EML5: variants seen among roughly 807,000 people sequenced by gnomAD.
EML5 encodes EMAP like 5, also known as echinoderm microtubule-associated protein-like 5.
A neutral mutation model predicts 250.0 loss-of-function variants in EML5; 120 were observed. The ratio of observed to expected loss-of-function variants is 0.48; its 90% confidence interval spans 0.41 to 0.56. The LOEUF is 0.56. EML5 is among the 20% of genes least tolerant of loss of function. EML5 has a pLI of 0.00. For missense variants in EML5, 2,006 were observed against 2,437.6 expected, an observed-to-expected ratio of 0.82 and a Z score of 3.73; for synonymous variants, 771 against 806.5, an observed-to-expected ratio of 0.96 and a Z score of 0.75.
intron 21 of EML5, among the ~76,000 whole-genome samples, chr14:88,677,266 C>G (rs2092616304): frequency 6.6e-6 from 1 of 152,100 alleles, no homozygotes; most frequent in Admixed American, 6.6e-5. Flanking sequence ...AAAATTGAAG[C>G]TGGACCCCTT....
At position 88,765,361 on chromosome 14, in the gene EML5, T is replaced by C. The variant is rs76016613; in HGVS notation, c.198-10690A>G. 1.0e-2 allele frequency among the ~76,000 whole-genome samples: 1,522 copies of C among 152,204 alleles called. 23 individuals are homozygous for C. Among genetic ancestry groups the C allele is most frequent in the African/African-American group, 0.035 (1,460 of 41,538 alleles). ...TTCCTTGTGGTAAAGGGACTGAGGCTTTCACTCCCCTGCTGGCTGTCAAGG... is the reference window on the plus strand; with the variant it reads ...TTCCTTGTGGTAAAGGGACTGAGGCCTTCACTCCCCTGCTGGCTGTCAAGG... On this transcript the variant is annotated intron_variant, in intron 1 of 43. Transcript: ENST00000554922.
chr14:88,711,710 G>A (rs575851000), intron 10 of EML5, among the ~76,000 whole-genome samples: 21 of 152,210 alleles, frequency 1.4e-4, no homozygotes, highest in Non-Finnish European at 2.2e-4. Flanking sequence ...CTGGGAGGCT[G>A]ACGTGGGGAG....
chr14:88,673,568 G>A (rs1355813448), intron 21 of EML5, among the ~76,000 whole-genome samples: 1 of 152,232 alleles, frequency 6.6e-6, no homozygotes, highest in Non-Finnish European at 1.5e-5. Flanking sequence ...ATTCCAATAG[G>A]AAGAGAGGAA....
At chr14:88,764,935 G>A (rs1467871555) in intron 1 of EML5, among the ~76,000 whole-genome samples, 2 of 151,916 alleles carry the variant, frequency 1.3e-5, no homozygotes, top group Admixed American at 6.6e-5. Flanking sequence ...AGCCTATTTT[G>A]GTAAACGTTT....
At chr14:88,659,570 A>G (rs1325743826) in intron 25 of EML5, among the ~76,000 whole-genome samples, 1 of 152,212 alleles carries the variant, frequency 6.6e-6, no homozygotes, top group Non-Finnish European at 1.5e-5. Flanking sequence ...AAGCATGGCA[A>G]GAAGGTAGTT....
At chr14:88,675,326 G>A (rs1481023733) in intron 21 of EML5, among the ~76,000 whole-genome samples, 3 of 152,214 alleles carry the variant, frequency 2.0e-5, no homozygotes, top group Non-Finnish European at 4.4e-5. Context: ...CTGAAATCTA[G>A]GTGGAGGTTC....
At chr14:88,694,263 A>G in intron 17 of EML5, 44 bp downstream of exon 17, 1 of 1,374,364 alleles carries the variant, frequency 7.3e-7, no homozygotes, top group Non-Finnish European at 1.0e-6. Context: ...CAAAAGCAAT[A>G]ATTTCTTAAA....
At chr14:88,743,731 A>G (rs1304745171) in intron 4 of EML5, among the ~76,000 whole-genome samples, 1 of 152,110 alleles carries the variant, frequency 6.6e-6, no homozygotes, top group Non-Finnish European at 1.5e-5. Context: ...TTACTTTGTA[A>G]GTGAAACATG....
intron 31 of EML5, among the ~76,000 whole-genome samples, chr14:88,639,701 CA>C (rs2090951125): frequency 6.6e-6 from 1 of 152,044 alleles, no homozygotes; most frequent in Admixed American, 6.6e-5. Context: ...CTCAGCCTCC[CA>C]AGTAGCTGGG....
At chr14:88,647,977 G>A (rs902752603) in intron 28 of EML5, among the ~76,000 whole-genome samples, 1 of 152,142 alleles carries the variant, frequency 6.6e-6, no homozygotes, top group African/African-American at 2.4e-5. Context: ...AGTTCCACCT[G>A]TTCTGACCTA....
intron 29 of EML5, chr14:88,644,720 AT>A (rs1383758509): frequency 2.0e-4 from 89 of 448,692 alleles, no homozygotes; most frequent in South Asian, 3.4e-4. Flanking sequence ...ATTTTATTTT[AT>A]TTTTTTTGAG....
chr14:88,689,461 A>G (rs2092910306), intron 17 of EML5, among the ~76,000 whole-genome samples: 1 of 152,246 alleles, frequency 6.6e-6, no homozygotes, highest in African/African-American at 2.4e-5. Flanking sequence ...TTCTGTGAAT[A>G]TTATGCTAGA....
chr14:88,646,924 A>G (rs1296903448), intron 29 of EML5, 23 bp downstream of exon 29: 1 of 1,588,540 alleles, frequency 6.3e-7, no homozygotes, highest in Non-Finnish European at 8.5e-7. Flanking sequence ...TAGGCTTTGT[A>G]AACACAGCAA....
chr14:88,681,906 G>T lies in EML5; in HGVS notation c.3108C>A (p.Val1036=). ...GCCTCTTACCCTTTTTCAGCTTCCG[G>T]ACAGCCAACATACAATGACTAGGTG... is the stretch of plus-strand genomic sequence containing the variant. ...DLSPSHCMLA[V]RKLKKGGRCC... is the part of the protein sequence containing the mutation. Residue 1036 remains valine, a synonymous_variant, in exon 21 of 44, where the codon GTC becomes GTA. Coordinates refer to ENST00000554922, the MANE Select transcript of EML5 (RefSeq NM_183387.3). The T allele has an allele frequency of 6.2e-7, 1 of 1,607,612 alleles. No individual in the cohort carries two copies. Among genetic ancestry groups the T allele is most frequent in the Admixed American group, 1.7e-5 (1 of 58,880 alleles).
At chr14:88,715,644 T>C (rs1034421502) in intron 8 of EML5, among the ~76,000 whole-genome samples, 1 of 152,036 alleles carries the variant, frequency 6.6e-6, no homozygotes, top group African/African-American at 2.4e-5. Flanking sequence ...AATTCATCTA[T>C]ATTACTTCAG....
rs74752431 is a variant in EML5, at chr14:88,699,834, C to T, written c.2238+2612G>A. 1.4e-3 allele frequency among the ~76,000 whole-genome samples: 214 copies of T among 152,128 alleles called. 1 individual carries two copies. The highest frequency in any genetic ancestry group is 4.7e-3 in the African/African-American group (196 of 41,528). On this transcript the variant is annotated intron_variant, in intron 14 of 43. Coordinates refer to ENST00000554922, the MANE Select transcript of EML5 (RefSeq NM_183387.3). ...ACTGCTATGTTCTAAGAAGGAAACA[C>T]GAAACGATGAACAGGTTTGGAAGGG...
rs1472004671 is a variant in EML5, at chr14:88,620,782, C to G, written c.5347G>C (p.Asp1783His). 1 of 1,604,072 alleles carries G rather than the reference C, an allele frequency of 6.2e-7. No homozygotes were observed. Residue 1783 changes from aspartate to histidine, a missense_variant, in exon 39 of 44, where the codon GAC (aspartate) becomes CAC (histidine). By Grantham distance (81) the Asp-to-His change is moderately conservative. Coordinates refer to ENST00000554922, the MANE Select transcript of EML5 (RefSeq NM_183387.3). The surrounding 1 kb of genome is among the most constrained non-coding windows in gnomAD (Gnocchi z 4.3). ...SSLKIWGKKR[D>H]RRCAIHDIRF... ...ATATCATGGATTGCACATCTCCTGT[C>G]TCTCTTCTTTCCCCATATTTTTAGA... is the stretch of plus-strand genomic sequence containing the variant.
chr14:88,644,525 G>C lies in EML5; in HGVS notation c.4029-14C>G. ...CTCACTGGAGGCCTGCAACAGAGAA[G>C]TGGGGAGGAGGAAAGGCATGCAGCA... On this transcript the variant is annotated splice_polypyrimidine_tract_variant and intron_variant, in intron 29 of 43. Coordinates refer to ENST00000554922, the MANE Select transcript of EML5 (RefSeq NM_183387.3). The C allele has an allele frequency of 1.2e-6, 2 of 1,613,256 alleles. No individual in the cohort carries two copies. Among genetic ancestry groups the C allele is most frequent in the Non-Finnish European group, 1.7e-6 (2 of 1,179,414 alleles).
At chr14:88,691,497 G>A (rs1038284202) in intron 17 of EML5, among the ~76,000 whole-genome samples, 5 of 152,158 alleles carry the variant, frequency 3.3e-5, no homozygotes, top group Non-Finnish European at 7.3e-5. Context: ...ACATGTTCCT[G>A]TTACATGAGG....
Sources: allele counts gnomAD v4.1 joint callset (sites outside exome capture counted in the v4.1 genomes callset), GRCh38; gene constraint gnomAD v4.1.1; non-coding constraint Gnocchi (gnomAD v3.1); transcripts MANE v1.5; gene names NCBI Gene and HGNC (gene_info 2026-07-23, HGNC 2026-07-21).